Variants in SORCS2 observed in about 807,000 individuals in gnomAD.
SORCS2 encodes the protein sortilin related VPS10 domain containing receptor 2.
SORCS2 carries 100 observed loss-of-function variants against 141.6 expected under a neutral mutation model. The ratio of observed to expected loss-of-function variants is 0.71; its 90% confidence interval spans 0.60 to 0.83. The LOEUF is 0.83. Among genes scored for constraint, SORCS2 ranks in the 40% least tolerant of loss-of-function variants. SORCS2 has a pLI of 0.00. For missense variants in SORCS2, 1,646 were observed against 1,560.2 expected, an observed-to-expected ratio of 1.05 and a Z score of -0.93; for synonymous variants, 789 against 676.9, an observed-to-expected ratio of 1.17 and a Z score of -2.57.
At chr4:7,344,889 G>T (rs1004955631) in intron 1 of SORCS2, among the ~76,000 whole-genome samples, 12 of 152,176 alleles carry the variant, frequency 7.9e-5, no homozygotes, top group African/African-American at 2.9e-4. Context: ...TGGATCGGAG[G>T]GGGAGTCTGG....
At chr4:7,550,353 C>T (rs756462830) in intron 3 of SORCS2, among the ~76,000 whole-genome samples, 4 of 152,150 alleles carry the variant, frequency 2.6e-5, no homozygotes, top group African/African-American at 4.8e-5. Flanking sequence ...CTGCAGAGGA[C>T]AACACTTCCC....
At chr4:7,591,461 G>A (rs1336502403) in intron 3 of SORCS2, among the ~76,000 whole-genome samples, 1 of 152,170 alleles carries the variant, frequency 6.6e-6, no homozygotes, top group African/African-American at 2.4e-5. Flanking sequence ...ACTGGGAAGG[G>A]TTTTGGGGAG....
At chr4:7,510,918 C>CG (rs1732602070) in intron 2 of SORCS2, among the ~76,000 whole-genome samples, 1 of 152,176 alleles carries the variant, frequency 6.6e-6, no homozygotes, top group African/African-American at 2.4e-5. Context: ...CTGACTGTCC[C>CG]GTAGTGGGCA....
chr4:7,664,242 T>C lies in SORCS2; in HGVS notation c.953-111T>C, dbSNP rs113027761. The C allele has an allele frequency of 2.0e-3, 1,695 of 828,268 alleles. 27 individuals carry two copies. The African/African-American group carries it at 0.026, about 13-fold the overall frequency. 51.3% of individuals were successfully genotyped at this position (828,268 alleles called of 1,614,324 possible). A position where few individuals can be genotyped will look rare whatever the true frequency, so the allele number is the denominator to read the frequency against. On this transcript the variant is annotated intron_variant, in intron 6 of 26. Transcript: ENST00000507866. This position sits in a 1 kb window ranked among gnomAD's most constrained non-coding sequence, Gnocchi z 4.7. ...CGGTGGCCTTTAGAATTCAAGCCCA[T>C]GAAGCCACACCACAGCGGTATTGGA...
chr4:7,254,529 G>A (rs1437000747), intron 1 of SORCS2, among the ~76,000 whole-genome samples: 2 of 152,154 alleles, frequency 1.3e-5, no homozygotes, highest in African/African-American at 4.8e-5. Context: ...TGGGTGGCAG[G>A]AGCATGATGA....
chr4:7,581,909 C>G (rs948996584), intron 3 of SORCS2, among the ~76,000 whole-genome samples: 2 of 152,152 alleles, frequency 1.3e-5, no homozygotes, highest in Non-Finnish European at 2.9e-5. Flanking sequence ...CTTAATATAT[C>G]TCCTTCTTGT....
chr4:7,505,322 A>C (rs1027537575), intron 2 of SORCS2, among the ~76,000 whole-genome samples: 2 of 152,152 alleles, frequency 1.3e-5, no homozygotes, highest in Non-Finnish European at 2.9e-5. Context: ...GGAGCCAGGC[A>C]CGGGGCTGGG....
intron 1 of SORCS2, among the ~76,000 whole-genome samples, chr4:7,259,664 G>C (rs145145121): frequency 3.3e-5 from 5 of 152,162 alleles, no homozygotes; most frequent in Non-Finnish European, 5.9e-5. Context: ...GCCCTACCTT[G>C]GCTGTGCCCG....
intron 14 of SORCS2, among the ~76,000 whole-genome samples, chr4:7,708,723 G>A (rs118036074): frequency 1.3e-5 from 2 of 152,202 alleles, no homozygotes; most frequent in Non-Finnish European, 2.9e-5. Flanking sequence ...GTTTTCATAC[G>A]TGACTTCAGG....
chr4:7,470,177 C>T (rs888375923), intron 2 of SORCS2, among the ~76,000 whole-genome samples: 3 of 151,932 alleles, frequency 2.0e-5, no homozygotes, highest in Non-Finnish European at 4.4e-5. Flanking sequence ...TCCATCCATC[C>T]TCCCATCCTC....
intron 3 of SORCS2, among the ~76,000 whole-genome samples, chr4:7,607,554 G>C (rs1025868701): frequency 6.6e-6 from 1 of 152,176 alleles, no homozygotes; most frequent in Non-Finnish European, 1.5e-5. Context: ...ACAGCCCTGA[G>C]TGTCAATAAT....
rs535702425 is a variant in SORCS2 at position 7,737,248 on chromosome 4, A to G, written c.3415+76A>G. The G allele has an allele frequency of 2.3e-4, 354 of 1,513,468 alleles. 7 individuals carry two copies. In the South Asian group the frequency reaches 4.0e-3, roughly 17 times the overall value. 93.8% of individuals were successfully genotyped at this position (1,513,468 alleles called of 1,614,324 possible). On this transcript the variant is annotated intron_variant, in intron 26 of 26. Transcript: ENST00000507866. ...CGCCCCAAACCCACCCCGCCCTCCC[A>G]CAGGCCACCCCGCTGGGCCGCTGGG... is the stretch of plus-strand genomic sequence containing the variant.
At chr4:7,269,227 C>T (rs76389121) in intron 1 of SORCS2, among the ~76,000 whole-genome samples, 7,563 of 152,216 alleles carry the variant, frequency 0.05, 612 homozygotes, top group African/African-American at 0.17. Flanking sequence ...GGTGGTGTCC[C>T]AGGAGGATGG....
intron 1 of SORCS2, among the ~76,000 whole-genome samples, chr4:7,368,204 C>T (rs553558641): frequency 7.9e-5 from 12 of 152,312 alleles, no homozygotes; most frequent in South Asian, 4.1e-4. Context: ...GAAGGGGAAC[C>T]GCCCTGGTGT....
At chr4:7,470,205 C>T (rs563927913) in intron 2 of SORCS2, among the ~76,000 whole-genome samples, 69 of 151,990 alleles carry the variant, frequency 4.5e-4, no homozygotes, top group Admixed American at 1.7e-3. Context: ...TCCCATCCAT[C>T]CTCTCATCCT....
rs1031303454 is a variant in SORCS2, at chr4:7,396,499, T to C, written c.548+144T>C. The C allele has an allele frequency of 2.1e-5, 16 of 764,894 alleles. No individual in the cohort carries two copies. The East Asian group carries it at 3.2e-4, about 15-fold the overall frequency. The allele number at this position is 764,894 out of a possible 1,614,324, so 47.4% of individuals were successfully genotyped here. On this transcript the variant is annotated intron_variant, in intron 2 of 26. Transcript: ENST00000507866. ...TCGCAACTTTTCTTTGGCTAGAAAATGCATAAAGGAAAAGTTGAAAGTAGC... is the reference window on the plus strand; with the variant it reads ...TCGCAACTTTTCTTTGGCTAGAAAACGCATAAAGGAAAAGTTGAAAGTAGC...
At chr4:7,423,549 G>T (rs1674114519) in intron 2 of SORCS2, among the ~76,000 whole-genome samples, 2 of 152,160 alleles carry the variant, frequency 1.3e-5, no homozygotes, top group African/African-American at 4.8e-5. Context: ...CTAAGTGCTG[G>T]TGTTACTGGT....
intron 3 of SORCS2, among the ~76,000 whole-genome samples, chr4:7,558,864 C>T (rs1462727831): frequency 6.6e-6 from 1 of 152,212 alleles, no homozygotes; most frequent in Non-Finnish European, 1.5e-5. Flanking sequence ...CCAAAGCCGG[C>T]CCATAGAGCT....
chr4:7,577,743 T>C (rs1483304985), intron 3 of SORCS2, among the ~76,000 whole-genome samples: 1 of 150,080 alleles, frequency 6.7e-6, no homozygotes, highest in Non-Finnish European at 1.5e-5. Flanking sequence ...GCTAGTGCCA[T>C]GGTTTGGAGA....
Sources: gnomAD v4.1 joint callset for allele counts (sites outside exome capture counted in the v4.1 genomes callset) on GRCh38, gnomAD v4.1.1 for gene constraint, Gnocchi (gnomAD v3.1) non-coding constraint, MANE v1.5 for transcripts, NCBI Gene and HGNC (gene_info 2026-07-23, HGNC 2026-07-21) for gene names.